The following TRPC5 variants were observed in gnomAD, a reference collection of about 807,000 sequenced individuals.
TRPC5 encodes transient receptor potential cation channel subfamily C member 5, also known as short transient receptor potential channel 5.
Under a neutral mutation model 56.5 loss-of-function variants are expected in TRPC5, and 9 were observed. That is an observed-to-expected ratio of 0.16 (90% CI 0.10 to 0.28). TRPC5 has a LOEUF of 0.28. Ranked by LOEUF, TRPC5 falls within the 10% of genes least tolerant of loss-of-function variation. TRPC5 has a pLI of 1.00. For synonymous variants in TRPC5, 282 were observed against 278.5 expected, an observed-to-expected ratio of 1.01 and a Z score of -0.13; for missense variants, 469 against 748.9, an observed-to-expected ratio of 0.63 and a Z score of 4.36.
chrX:111,963,642 C>A (rs1927463173), intron 1 of TRPC5, among the ~76,000 whole-genome samples: 1 of 111,462 alleles, frequency 9.0e-6, no homozygotes, highest in Admixed American at 9.5e-5. Context: ...GAGGAACAAT[C>A]AGGCAGCAGC....
At chrX:111,995,671 A>G (rs145053587) in intron 1 of TRPC5, among the ~76,000 whole-genome samples, 1,749 of 111,544 alleles carry the variant, frequency 0.016, 31 homozygotes, top group African/African-American at 0.054. Flanking sequence ...CAGAGATTCA[A>G]CTTCTTCCTA....
chrX:111,963,201 T>C (rs1243837056), intron 1 of TRPC5, among the ~76,000 whole-genome samples: 1 of 112,504 alleles, frequency 8.9e-6, no homozygotes, highest in Non-Finnish European at 1.9e-5. Context: ...CAGAGGGTCC[T>C]ACGCCCACAG....
chrX:111,862,919 GTATT>G (rs1260520566), intron 3 of TRPC5, among the ~76,000 whole-genome samples: 1 of 111,756 alleles, frequency 8.9e-6, no homozygotes, highest in Non-Finnish European at 1.9e-5. Context: ...TTATTCCTAA[GTATT>G]TAATTGTTTT....
intron 3 of TRPC5, among the ~76,000 whole-genome samples, chrX:111,868,662 T>G (rs1010663250): frequency 8.9e-6 from 1 of 111,998 alleles, no homozygotes; most frequent in Admixed American, 9.5e-5. Context: ...CACTTCTTCC[T>G]TTAGTCCATT....
Position 111,776,974 on chromosome X carries a change from C to T in TRPC5, c.2261G>A (p.Arg754Gln), listed in dbSNP as rs1390069891. The T allele has an allele frequency of 1.3e-5, 15 of 1,148,115 alleles. No individual in the cohort carries two copies. The highest frequency in any genetic ancestry group is 1.6e-5 in the Non-Finnish European group (14 of 865,303). The allele number at this position is 1,148,115 out of a possible 1,213,427, so 94.6% of individuals were successfully genotyped here. A position where few individuals can be genotyped will look rare whatever the true frequency, so the allele number is the denominator to read the frequency against. Residue 754 changes from arginine to glutamine, a missense_variant, in exon 11 of 11, where the codon CGG (arginine) becomes CAG (glutamine). Physicochemically the swap from Arg to Gln is conservative, Grantham distance 43. This residue lies in a region of TRPC5 where 194 missense variants were observed against 221.8 expected (regional missense o/e 0.87). Coordinates refer to ENST00000262839, the MANE Select transcript of TRPC5 (RefSeq NM_012471.3). ...TCCCAAGAGGTCAAGCACTTCATAC[C>T]GAAAGCTGGAGATGTCTTGCTTTAA... ...KELKQDISSFRYEVLDLLGNR... is the reference protein window; with the variant it reads ...KELKQDISSFQYEVLDLLGNR...
At position 111,787,703 on chromosome X, in the gene TRPC5, C is replaced by T. The variant is rs753259665; in HGVS notation, c.1897-5565G>A. Among the ~76,000 whole-genome samples, 16 of 110,598 alleles carry T rather than the reference C, an allele frequency of 1.4e-4. No homozygotes were observed. In the South Asian group the frequency reaches 2.3e-3, roughly 16 times the overall value. ...AGAAGAAAAGAGAGAAGAATCAAAT[C>T]GATGCAATAAAAAACGATAAAGGGG... On this transcript the variant is annotated intron_variant, in intron 7 of 10. Coordinates refer to ENST00000262839, the MANE Select transcript of TRPC5 (RefSeq NM_012471.3).
chrX:111,851,896 A>G (rs999923457), intron 5 of TRPC5, among the ~76,000 whole-genome samples: 3 of 111,878 alleles, frequency 2.7e-5, no homozygotes, highest in African/African-American at 9.8e-5. Context: ...TTAGACGTAT[A>G]TAAAGTAGTC....
chrX:112,033,449 T>C (rs1929641202), intron 1 of TRPC5, among the ~76,000 whole-genome samples: 2 of 109,513 alleles, frequency 1.8e-5, no homozygotes, highest in East Asian at 5.6e-4. Flanking sequence ...ATTAGAGATA[T>C]GATTTGAAAA....
At chrX:111,985,376 A>C (rs1189424089) in intron 1 of TRPC5, among the ~76,000 whole-genome samples, 2 of 112,115 alleles carry the variant, frequency 1.8e-5, no homozygotes, top group African/African-American at 3.2e-5. Context: ...CCCTACTGTG[A>C]CTAGTGGACC....
At chrX:112,030,263 C>G (rs190789539) in intron 1 of TRPC5, among the ~76,000 whole-genome samples, 4 of 112,666 alleles carry the variant, frequency 3.6e-5, no homozygotes. Context: ...CATGTATCAT[C>G]TTGTGTAATA....
chrX:112,039,381 G>T (rs1394742711), intron 1 of TRPC5, among the ~76,000 whole-genome samples: 1 of 111,742 alleles, frequency 8.9e-6, no homozygotes, highest in Non-Finnish European at 1.9e-5. Context: ...GGCTCTTAAG[G>T]CTTTCACCCG....
At chrX:111,997,976 T>G (rs901536560) in intron 1 of TRPC5, among the ~76,000 whole-genome samples, 6 of 111,623 alleles carry the variant, frequency 5.4e-5, no homozygotes, top group Non-Finnish European at 9.4e-5. Flanking sequence ...TTACTGACCT[T>G]CTGAATCCTA....
chrX:112,026,792 A>G lies in TRPC5; in HGVS notation c.-22+55087T>C, dbSNP rs145800364. ...TCCTGGCTGGATTGAAAGCTTCTTA[A>G]TGGCGGTGATTGTGTATGACATTGA... On this transcript the variant is annotated intron_variant, in intron 1 of 10. Transcript: ENST00000262839. 7.4e-4 allele frequency among the ~76,000 whole-genome samples: 82 copies of G among 110,349 alleles called. No homozygotes were observed. In the East Asian group the frequency reaches 0.022, roughly 29 times the overall value.
At chrX:111,902,066 A>G (rs1925376212) in intron 3 of TRPC5, 1 of 1,153,335 alleles carries the variant, frequency 8.7e-7, no homozygotes, top group Admixed American at 2.6e-5. Context: ...CTTAGACTCA[A>G]TACTTACACC....
chrX:111,877,764 A>C (rs1420789237), intron 3 of TRPC5, among the ~76,000 whole-genome samples: 14 of 111,409 alleles, frequency 1.3e-4, no homozygotes, highest in Non-Finnish European at 1.9e-5. Flanking sequence ...GTGAGAGAGA[A>C]AAAGGCAGCA....
intron 2 of TRPC5, among the ~76,000 whole-genome samples, chrX:111,939,858 C>T (rs1034494233): frequency 9.0e-6 from 1 of 110,886 alleles, no homozygotes; most frequent in Non-Finnish European, 1.9e-5. Context: ...ATTTCATTGA[C>T]CTTTTCTATT....
intron 1 of TRPC5, among the ~76,000 whole-genome samples, chrX:111,988,225 T>C (rs765947475): frequency 9.0e-6 from 1 of 111,169 alleles, no homozygotes; most frequent in African/African-American, 3.3e-5. Flanking sequence ...ATAAAACACC[T>C]CATATCTAGA....
chrX:111,895,101 AT>A (rs1170424433), intron 3 of TRPC5, among the ~76,000 whole-genome samples: 1 of 112,158 alleles, frequency 8.9e-6, no homozygotes, highest in Non-Finnish European at 1.9e-5. Context: ...GTTTTAGTAG[AT>A]ACTGCCAAAT....
intron 1 of TRPC5, among the ~76,000 whole-genome samples, chrX:112,016,739 G>A (rs1252910102): frequency 9.1e-6 from 1 of 110,224 alleles, no homozygotes; most frequent in Non-Finnish European, 1.9e-5. Flanking sequence ...AGAGGGAGGT[G>A]AAGCACAATA....
Sources: gnomAD v4.1 joint callset for allele counts (sites outside exome capture counted in the v4.1 genomes callset) on GRCh38, gnomAD v4.1.1 for gene constraint, gnomAD v4.1.1 regional missense constraint, MANE v1.5 for transcripts, NCBI Gene and HGNC (gene_info 2026-07-23, HGNC 2026-07-21) for gene names.